MED13L: variants seen among roughly 807,000 people sequenced by gnomAD.
MED13L encodes the protein mediator of RNA polymerase II transcription subunit 13-like.
A neutral mutation model predicts 220.9 loss-of-function variants in MED13L; 7 were observed. That is an observed-to-expected ratio of 0.03 (90% CI 0.02 to 0.06). The LOEUF is 0.06. Ranked by LOEUF, MED13L falls within the 10% of genes least tolerant of loss-of-function variation. The pLI is 1.00. For missense variants in MED13L, 1,965 were observed against 2,760.5 expected (o/e 0.71, Z 6.46); for synonymous variants, 1,011 against 1,015.2 (o/e 1.00, Z 0.08).
At chr12:116,257,977 G>A (rs757566973) in intron 1 of MED13L, among the ~76,000 whole-genome samples, 8 of 152,174 alleles carry the variant, frequency 5.3e-5, no homozygotes, top group East Asian at 1.9e-4. Flanking sequence ...TTAAAAAAAC[G>A]TAAACTGTAT....
rs570748366 is a variant in MED13L, at chr12:116,115,670, A to G, written c.311-4158T>C. Among the ~76,000 whole-genome samples, 5 of 152,282 alleles carry G rather than the reference A, an allele frequency of 3.3e-5. No individual in the cohort carries two copies. The East Asian group carries it at 9.6e-4, about 29-fold the overall frequency. The stretch of plus-strand genomic sequence containing the variant: ...TTTAATCTCAAAACTTAACTACCAA[A>G]AAAAAACAATTTTTTAAATGGGCAA... On this transcript the variant is annotated intron_variant, in intron 2 of 30. Transcript: ENST00000281928.
chr12:116,009,717 A>G (rs1879277398), intron 9 of MED13L, among the ~76,000 whole-genome samples: 2 of 152,346 alleles, frequency 1.3e-5, no homozygotes, highest in South Asian at 4.1e-4. Flanking sequence ...GGGATAAAAG[A>G]CAACTTTGGA....
At chr12:116,067,645 T>G (rs1322113824) in intron 4 of MED13L, among the ~76,000 whole-genome samples, 2 of 152,198 alleles carry the variant, frequency 1.3e-5, no homozygotes, top group African/African-American at 4.8e-5. Flanking sequence ...CCAAAGTTAT[T>G]CATTAGAGTA....
intron 4 of MED13L, among the ~76,000 whole-genome samples, chr12:116,028,213 T>A (rs1880517400): frequency 6.6e-6 from 1 of 152,216 alleles, no homozygotes; most frequent in Non-Finnish European, 1.5e-5. Context: ...GATTTGAGAA[T>A]GAACATTGAA....
At chr12:116,247,752 T>C (rs1565948208) in intron 1 of MED13L, among the ~76,000 whole-genome samples, 1 of 152,220 alleles carries the variant, frequency 6.6e-6, no homozygotes. Context: ...TCAAGTGTCA[T>C]TTTCTTTTCA....
chr12:116,277,009 G>A, intron 1 of MED13L, 51 bp downstream of exon 1: 2 of 1,476,856 alleles, frequency 1.4e-6, no homozygotes, highest in Non-Finnish European at 1.8e-6. Context: ...GGAGGTCGGG[G>A]ACCCCCCCCC....
intron 2 of MED13L, among the ~76,000 whole-genome samples, chr12:116,139,549 C>T (rs1418503862): frequency 6.6e-6 from 1 of 152,046 alleles, no homozygotes; most frequent in Non-Finnish European, 1.5e-5. Context: ...GATAAATGAC[C>T]CTCTTACAGT....
At chr12:116,004,808 A>G (rs1273075517) in intron 13 of MED13L, among the ~76,000 whole-genome samples, 1 of 152,160 alleles carries the variant, frequency 6.6e-6, no homozygotes, top group Non-Finnish European at 1.5e-5. Flanking sequence ...GGTATATAAT[A>G]TCTGTTAGAT....
chr12:115,970,056 T>C (rs546157235), intron 27 of MED13L, among the ~76,000 whole-genome samples: 1 of 152,222 alleles, frequency 6.6e-6, no homozygotes, highest in African/African-American at 2.4e-5. Flanking sequence ...AAATAAACAC[T>C]GGTAGGTGTT....
At chr12:116,232,226 C>A (rs1459528988) in intron 2 of MED13L, 1 of 669,050 alleles carries the variant, frequency 1.5e-6, no homozygotes, top group African/African-American at 2.0e-5. Context: ...CCAATCTACC[C>A]CTGCACTGAC....
chr12:116,078,359 A>G (rs1455338837), intron 4 of MED13L, among the ~76,000 whole-genome samples: 1 of 152,180 alleles, frequency 6.6e-6, no homozygotes, highest in East Asian at 1.9e-4. Context: ...TAATTTCTAC[A>G]TAATCATTTC....
intron 2 of MED13L, among the ~76,000 whole-genome samples, chr12:116,170,266 C>T (rs1370946761): frequency 1.3e-5 from 2 of 152,116 alleles, no homozygotes; most frequent in African/African-American, 4.8e-5. Context: ...TCACAGTGGC[C>T]AAGTTTCCCA....
At chr12:115,964,806 G>T (rs1211683012) in intron 29 of MED13L, among the ~76,000 whole-genome samples, 1 of 151,956 alleles carries the variant, frequency 6.6e-6, no homozygotes, top group Non-Finnish European at 1.5e-5. Context: ...AATATTTCCT[G>T]CTGCATATCT....
At position 116,015,190 on chromosome 12, in the gene MED13L, G is replaced by A. The variant is rs150761787; in HGVS notation, c.1094C>T (p.Ser365Leu). The A allele has an allele frequency of 1.9e-5, 31 of 1,613,694 alleles. No individual in the cohort carries two copies. The highest frequency in any genetic ancestry group is 1.5e-4 in the African/African-American group (11 of 74,952). The change falls in exon 8 of 31, where the codon TCG (serine) becomes TTG (leucine). Residue 365 changes from serine to leucine, a missense_variant. Physicochemically the swap from Ser to Leu is moderately radical, Grantham distance 145. Around this residue, in one of 10 missense-constraint regions of MED13L, gnomAD observed 818 missense variants for 1,041.2 expected, o/e 0.79. Coordinates refer to ENST00000281928, the MANE Select transcript of MED13L (RefSeq NM_015335.5). ...GTGGAGTTTTGGAGGAATCTTCCCC[G>A]ATCTCTTTGGACTGTGCATCGTTAT... is the stretch of plus-strand genomic sequence containing the variant. Reference protein sequence around the residue: ...GMITMHSPKRSGKIPPKLHNH... With the variant: ...GMITMHSPKRLGKIPPKLHNH...
At chr12:116,126,421 G>C (rs934389828) in intron 2 of MED13L, among the ~76,000 whole-genome samples, 1 of 152,130 alleles carries the variant, frequency 6.6e-6, no homozygotes, top group African/African-American at 2.4e-5. Context: ...AGGTGCAGTG[G>C]TTTCTTCCTG....
At chr12:116,192,372 G>C (rs922996457) in intron 2 of MED13L, among the ~76,000 whole-genome samples, 1 of 152,046 alleles carries the variant, frequency 6.6e-6, no homozygotes, top group Non-Finnish European at 1.5e-5. Context: ...CTTAATCTAA[G>C]AGAGTAAACA....
intron 21 of MED13L, 151 bp downstream of exon 21, chr12:115,982,966 T>C (rs1028449711): frequency 2.9e-5 from 23 of 797,166 alleles, no homozygotes; most frequent in Non-Finnish European, 4.3e-5. Flanking sequence ...ACTGCAGCTT[T>C]AGATCGACCA....
intron 13 of MED13L, among the ~76,000 whole-genome samples, chr12:116,005,378 C>A (rs1425264312): frequency 2.0e-5 from 3 of 152,156 alleles, no homozygotes; most frequent in Non-Finnish European, 4.4e-5. Flanking sequence ...TAGTATTTAA[C>A]TTCTATGTAT....
intron 1 of MED13L, among the ~76,000 whole-genome samples, chr12:116,242,863 ATGC>A (rs1198079887): frequency 1.3e-5 from 2 of 152,220 alleles, no homozygotes; most frequent in Non-Finnish European, 2.9e-5. Context: ...CCATTCTGCC[ATGC>A]TGCTTCATAA....
Sources: gnomAD v4.1 joint callset for allele counts (sites outside exome capture counted in the v4.1 genomes callset) on GRCh38, gnomAD v4.1.1 for gene constraint, gnomAD v4.1.1 regional missense constraint, MANE v1.5 for transcripts, NCBI Gene and HGNC (gene_info 2026-07-23, HGNC 2026-07-21) for gene names.